The following SH3RF3 variants were observed in gnomAD, a reference collection of about 807,000 sequenced individuals.
The protein encoded by SH3RF3 is E3 ubiquitin-protein ligase SH3RF3.
A neutral mutation model predicts 66.3 loss-of-function variants in SH3RF3; 29 were observed. The observed-to-expected ratio is 0.44, with a 90% CI of 0.33 to 0.60. SH3RF3 has a LOEUF of 0.60. Ranked by LOEUF, SH3RF3 falls within the 20% of genes least tolerant of loss-of-function variation. The probability of loss-of-function intolerance (pLI) is 0.04; values close to 1 mark genes in which losing one functional copy is unlikely to be tolerated. For missense variants in SH3RF3, 1,194 were observed against 1,190.9 expected (o/e 1.00, Z -0.04); for synonymous variants, 583 against 532.0 (o/e 1.10, Z -1.32).
intron 1 of SH3RF3, among the ~76,000 whole-genome samples, chr2:109,260,359 AG>A (rs1680320438): frequency 6.6e-6 from 1 of 152,220 alleles, no homozygotes; most frequent in East Asian, 1.9e-4. Context: ...ACCCGAGGTC[AG>A]GGAGCTGCAT....
At chr2:109,492,950 C>T (rs1371627725) in intron 9 of SH3RF3, among the ~76,000 whole-genome samples, 2 of 152,038 alleles carry the variant, frequency 1.3e-5, no homozygotes, top group Non-Finnish European at 2.9e-5. Flanking sequence ...TTCCCCTCTA[C>T]AGGGCCCCAG....
At chr2:109,215,550 G>A (rs112433258) in intron 1 of SH3RF3, among the ~76,000 whole-genome samples, 4 of 152,216 alleles carry the variant, frequency 2.6e-5, no homozygotes, top group African/African-American at 7.2e-5. Context: ...GGTTCCTCTC[G>A]GGAGAGCCCC....
chr2:109,303,561 A>G (rs181188764), intron 1 of SH3RF3, among the ~76,000 whole-genome samples: 2 of 152,314 alleles, frequency 1.3e-5, no homozygotes, highest in East Asian at 3.9e-4. Flanking sequence ...CCAGGAAGGA[A>G]ACCCACCCGA....
chr2:109,285,097 C>T (rs559960809), intron 1 of SH3RF3, among the ~76,000 whole-genome samples: 1 of 152,362 alleles, frequency 6.6e-6, no homozygotes, highest in Non-Finnish European at 1.5e-5. Context: ...GCTGTCACCC[C>T]TTAGCCCAGT....
intron 4 of SH3RF3, among the ~76,000 whole-genome samples, chr2:109,406,180 G>A (rs956604052): frequency 6.6e-6 from 1 of 152,182 alleles, no homozygotes; most frequent in Non-Finnish European, 1.5e-5. Flanking sequence ...GCATAATGGA[G>A]TATCATTCAC....
rs1004226919 is a variant in SH3RF3 at position 109,158,762 on chromosome 2, C to A, written c.573+28649C>A. Among the ~76,000 whole-genome samples the A allele has an allele frequency of 5.3e-5, 8 of 152,212 alleles. 1 individual carries two copies. Among genetic ancestry groups the A allele is most frequent in the Admixed American group, 1.3e-4 (2 of 15,290 alleles). ...ATATTCTGGAAGTTGCTAAGTGTTT[C>A]TTTCAAAGCAAGTAGCAATGGCTGA... On this transcript the variant is annotated intron_variant, in intron 1 of 9. Coordinates refer to ENST00000309415, the MANE Select transcript of SH3RF3 (RefSeq NM_001099289.3).
At chr2:109,291,158 G>A (rs1338645201) in intron 1 of SH3RF3, among the ~76,000 whole-genome samples, 4 of 152,200 alleles carry the variant, frequency 2.6e-5, no homozygotes, top group Admixed American at 6.5e-5. Context: ...TCTCATGAAC[G>A]TGGGGAGAGT....
At chr2:109,391,264 G>C (rs1189670610) in intron 3 of SH3RF3, among the ~76,000 whole-genome samples, 1 of 152,260 alleles carries the variant, frequency 6.6e-6, no homozygotes, top group Non-Finnish European at 1.5e-5. Context: ...CAGCTTGCCA[G>C]CCCATTGGGC....
intron 1 of SH3RF3, among the ~76,000 whole-genome samples, chr2:109,287,244 A>G (rs1681049396): frequency 6.6e-6 from 1 of 152,190 alleles, no homozygotes; most frequent in Admixed American, 6.5e-5. Context: ...GGTCTAGCGA[A>G]TGGCCCCTTG....
chr2:109,196,748 G>A (rs971751477), intron 1 of SH3RF3, among the ~76,000 whole-genome samples: 2 of 152,278 alleles, frequency 1.3e-5, no homozygotes, highest in African/African-American at 4.8e-5. Context: ...CACATGCCCC[G>A]TGGCCTTCTG....
intron 1 of SH3RF3, among the ~76,000 whole-genome samples, chr2:109,195,205 G>T (rs1387171611): frequency 1.7e-5 from 1 of 59,460 alleles, no homozygotes; most frequent in African/African-American, 5.3e-5. Flanking sequence ...GGCTAGGAGA[G>T]TGATAGGACT....
intron 3 of SH3RF3, among the ~76,000 whole-genome samples, chr2:109,378,212 C>T (rs1559051285): frequency 2.0e-5 from 3 of 152,234 alleles, no homozygotes; most frequent in Non-Finnish European, 4.4e-5. Flanking sequence ...GGTGGGTTCA[C>T]CCACCGGCTT....
chr2:109,130,485 G>A (rs1676664858), intron 1 of SH3RF3, among the ~76,000 whole-genome samples: 1 of 152,204 alleles, frequency 6.6e-6, no homozygotes, highest in Admixed American at 6.5e-5. Context: ...CCCTGGGCCT[G>A]CCTAGAGAAA....
At chr2:109,271,625 C>T (rs559990522) in intron 1 of SH3RF3, among the ~76,000 whole-genome samples, 2 of 152,308 alleles carry the variant, frequency 1.3e-5, no homozygotes, top group East Asian at 1.9e-4. Context: ...GGTGAGGCCC[C>T]GTGTGGTTCC....
At chr2:109,202,214 C>T (rs757639659) in intron 1 of SH3RF3, among the ~76,000 whole-genome samples, 1 of 152,188 alleles carries the variant, frequency 6.6e-6, no homozygotes, top group Non-Finnish European at 1.5e-5. Flanking sequence ...TCCCAAGCCA[C>T]CTGTGGACTG....
intron 8 of SH3RF3, among the ~76,000 whole-genome samples, chr2:109,480,777 C>G (rs1204014548): frequency 1.3e-5 from 2 of 152,178 alleles, no homozygotes; most frequent in Non-Finnish European, 2.9e-5. Flanking sequence ...CTTGCCTGGG[C>G]ACAGGGACCT....
intron 5 of SH3RF3, among the ~76,000 whole-genome samples, chr2:109,423,946 TGAGA>T: frequency 6.6e-6 from 1 of 152,052 alleles, no homozygotes; most frequent in South Asian, 2.1e-4. Context: ...AGAATTTTAT[TGAGA>T]GAGTCTCTGG....
At chr2:109,280,085 C>T (rs1370340002) in intron 1 of SH3RF3, among the ~76,000 whole-genome samples, 3 of 152,150 alleles carry the variant, frequency 2.0e-5, no homozygotes, top group Non-Finnish European at 2.9e-5. Flanking sequence ...ATCCCAGAGA[C>T]AACAGAGTTC....
At position 109,429,851 on chromosome 2, in the gene SH3RF3, T is replaced by C. The variant is rs1468573770; in HGVS notation, c.1404-2650T>C. On this transcript the variant is annotated intron_variant, in intron 5 of 9. Transcript: ENST00000309415. ...GGTAGCCCTGCTAGGGGTTCCATGCTCCCAGGCCACCAAGCTCCACGCTGT... is the reference window on the plus strand; with the variant it reads ...GGTAGCCCTGCTAGGGGTTCCATGCCCCCAGGCCACCAAGCTCCACGCTGT... 3.9e-5 allele frequency among the ~76,000 whole-genome samples: 6 copies of C among 152,076 alleles called. No homozygotes were observed. In the East Asian group the frequency reaches 1.2e-3, roughly 29 times the overall value.
Sources: gnomAD v4.1 joint callset for allele counts (sites outside exome capture counted in the v4.1 genomes callset) on GRCh38, gnomAD v4.1.1 for gene constraint, MANE v1.5 for transcripts, NCBI Gene and HGNC (gene_info 2026-07-23, HGNC 2026-07-21) for gene names.